Variants in DAAM2 observed in about 807,000 individuals in gnomAD.
DAAM2 encodes disheveled-associated activator of morphogenesis 2.
Under a neutral mutation model 120.7 loss-of-function variants are expected in DAAM2, and 39 were observed. The ratio of observed to expected loss-of-function variants is 0.32; its 90% CI spans 0.25 to 0.42. The LOEUF is 0.42. Among genes scored for constraint, DAAM2 ranks in the 10% least tolerant of loss-of-function variants. The probability of loss-of-function intolerance (pLI) is 1.00; values close to 1 mark genes in which losing one functional copy is unlikely to be tolerated. For missense variants in DAAM2, 1,283 were observed against 1,401.7 expected, an observed-to-expected ratio of 0.92 and a Z score of 1.35; for synonymous variants, 488 against 524.9, an observed-to-expected ratio of 0.93 and a Z score of 0.96.
intron 17 of DAAM2, among the ~76,000 whole-genome samples, chr6:39,890,404 T>C (rs181490401): frequency 1.3e-5 from 2 of 152,306 alleles, no homozygotes; most frequent in Admixed American, 6.5e-5. Context: ...GGAAAGTGAA[T>C]AAGTAGACTG....
intron 1 of DAAM2, among the ~76,000 whole-genome samples, chr6:39,843,639 G>T (rs1763441360): frequency 1.3e-5 from 2 of 152,228 alleles, no homozygotes; most frequent in Admixed American, 6.5e-5. Flanking sequence ...CAATAGCAGA[G>T]CTTTAAACCA....
intron 17 of DAAM2, among the ~76,000 whole-genome samples, chr6:39,889,363 C>A (rs2149353158): frequency 6.6e-6 from 1 of 152,188 alleles, no homozygotes; most frequent in East Asian, 1.9e-4. Flanking sequence ...CAGTCAACCA[C>A]AATAAGGGGG....
chr6:39,817,795 A>C (rs184863866), intron 1 of DAAM2, among the ~76,000 whole-genome samples: 1 of 152,276 alleles, frequency 6.6e-6, no homozygotes, highest in East Asian at 1.9e-4. Context: ...GAAGGCCTCC[A>C]ACTGATCAAA....
chr6:39,821,423 C>T (rs1455072858), intron 1 of DAAM2: 3 of 152,270 alleles, frequency 2.0e-5, no homozygotes, highest in African/African-American at 4.8e-5. Flanking sequence ...TTCTTGAGGA[C>T]TGAGCTCAGG....
At position 39,879,339 on chromosome 6, in the gene DAAM2, A is replaced by G; in HGVS notation, c.1707A>G (p.Pro569=). Reference sequence around the variant, plus strand: ...CTCCCGGGGGACCCCCGACTCCCCCAGGTGCCCCACCTTGCCTCGGCATGG... The same window carrying G: ...CTCCCGGGGGACCCCCGACTCCCCCGGGTGCCCCACCTTGCCTCGGCATGG... ...PLPPGGPPTP[P]GAPPCLGMGL... The change falls in exon 14 of 25, where the codon CCA becomes CCG. Residue 569 remains proline, a synonymous_variant. Transcript: ENST00000274867. 1 of 960,090 alleles carries G rather than the reference A, an allele frequency of 1.0e-6. No individual in the cohort carries two copies. The highest frequency in any genetic ancestry group is 1.3e-6 in the Non-Finnish European group (1 of 794,150). 59.5% of individuals were successfully genotyped at this position (960,090 alleles called of 1,614,324 possible). A position where few individuals can be genotyped will look rare whatever the true frequency, so the allele number is the denominator to read the frequency against.
At chr6:39,870,301 A>G (rs1394700150) in intron 7 of DAAM2, 39 bp from the exon 8 acceptor site, 1 of 1,308,676 alleles carries the variant, frequency 7.6e-7, no homozygotes, top group Non-Finnish European at 1.1e-6. Context: ...GGAAACTGAG[A>G]TCTGCCAATG....
chr6:39,864,323 TG>T, intron 3 of DAAM2, 109 bp from the exon 4 acceptor site: 1 of 777,678 alleles, frequency 1.3e-6, no homozygotes, highest in Non-Finnish European at 2.1e-6. Flanking sequence ...CCACCCGACA[TG>T]GGCAGAGCTG....
chr6:39,877,370 T>C (rs1764916602), intron 11 of DAAM2, among the ~76,000 whole-genome samples: 1 of 152,052 alleles, frequency 6.6e-6, no homozygotes, highest in African/African-American at 2.4e-5. Flanking sequence ...CCCTCCCAAC[T>C]TCAGGGAACA....
chr6:39,829,688 T>C (rs1762806744), intron 1 of DAAM2, among the ~76,000 whole-genome samples: 1 of 152,166 alleles, frequency 6.6e-6, no homozygotes, highest in Admixed American at 6.5e-5. Flanking sequence ...ACTCAGACAT[T>C]TCTACTCAGT....
In DAAM2 at chr6:39,873,345, G is replaced by GT. The variant is rs1764740796; in HGVS notation, c.1152_1153insT (p.Gln385SerfsTer29). 2 of 1,609,808 alleles carry GT rather than the reference G, an allele frequency of 1.2e-6. No homozygotes were observed. The highest frequency in any genetic ancestry group is 2.7e-5 in the African/African-American group (2 of 74,856). ...TGCTCTCTGTGCTGCACCACTGCCT[G>GT]CAGATGCCCTGTAAGTACCCTGCAC... is the stretch of plus-strand genomic sequence containing the variant. On this transcript the variant is annotated frameshift_variant, in exon 10 of 25. Transcript: ENST00000274867. LOFTEE classifies it high-confidence loss of function.
chr6:39,866,658 A>G (rs952077327), intron 5 of DAAM2, among the ~76,000 whole-genome samples: 1 of 152,270 alleles, frequency 6.6e-6, no homozygotes, highest in African/African-American at 2.4e-5. Flanking sequence ...CAAATAATAA[A>G]AATGAGATAG....
intron 10 of DAAM2, 58 bp from the exon 11 acceptor site, chr6:39,875,272 G>T: frequency 6.3e-7 from 1 of 1,575,022 alleles, no homozygotes. Flanking sequence ...CAACTCTAGG[G>T]TGGGGCCCAA....
Position 39,856,385 on chromosome 6 carries a change from G to C in DAAM2, c.83G>C (p.Arg28Pro), listed in dbSNP as rs200592505. 9 of 1,552,146 alleles carry C rather than the reference G, an allele frequency of 5.8e-6. No individual in the cohort carries two copies. The highest frequency in any genetic ancestry group is 7.8e-6 in the Non-Finnish European group (9 of 1,148,838). ...AGTGACATCCCCGAAATCAACCTCC[G>C]GGACAACCACCCTCTGCAGTTCATG... ...GGSDIPEINLRDNHPLQFMEF... is the reference protein window; with the variant it reads ...GGSDIPEINLPDNHPLQFMEF... Residue 28 changes from arginine to proline, a missense_variant, in exon 2 of 25, where the codon CGG becomes CCG. By Grantham distance (103) the Arg-to-Pro change is moderately radical. This residue lies in a region of DAAM2 where 197 missense variants were observed against 189.3 expected (regional missense o/e 1.04). Coordinates refer to ENST00000274867, the MANE Select transcript of DAAM2 (RefSeq NM_001201427.2).
chr6:39,879,075 G>A, intron 13 of DAAM2, 103 bp from the exon 14 acceptor site: 1 of 747,472 alleles, frequency 1.3e-6, no homozygotes. Flanking sequence ...AGGATTTGGG[G>A]CCTAGTATAG....
Position 39,904,412 on chromosome 6 carries a change from T to A in DAAM2, c.*2375T>A. 1 of 455,556 alleles carries A rather than the reference T, an allele frequency of 2.2e-6. No individual in the cohort carries two copies. Among genetic ancestry groups the A allele is most frequent in the Non-Finnish European group, 4.4e-6 (1 of 226,978 alleles). The allele number at this position is 455,556 out of a possible 1,614,324, so 28.2% of individuals were successfully genotyped here. ...GGGGCTGGTGCCCAGTCGGGGTGGC[T>A]GAGCTGGTCCTTAATAGGTTGTTTC... On this transcript the variant is annotated 3_prime_UTR_variant, in exon 25 of 25. Transcript: ENST00000274867.
intron 1 of DAAM2, among the ~76,000 whole-genome samples, chr6:39,847,502 C>G (rs967431809): frequency 1.3e-5 from 2 of 152,130 alleles, no homozygotes; most frequent in Non-Finnish European, 2.9e-5. Flanking sequence ...CCCAGACTTA[C>G]GGCGCTAATG....
Position 39,896,958 on chromosome 6 carries a change from G to C in DAAM2, c.2488G>C (p.Asp830His), listed in dbSNP as rs1326283852. ...FRVASLNKIA[D>H]TKSSIDRNIS... is the part of the protein sequence containing the mutation. ...GGTGGCCAGCCTCAACAAGATCGCT[G>C]ACACCAAGTCCAGCATCGACAGGTG... is the stretch of plus-strand genomic sequence containing the variant. Residue 830 changes from aspartate (D) to histidine (H), a missense_variant, in exon 20 of 25, where the codon GAC (aspartate) becomes CAC (histidine). By Grantham distance (81) the Asp-to-His change is moderately conservative (BLOSUM62 -1). Transcript: ENST00000274867. The C allele has an allele frequency of 6.2e-7, 1 of 1,611,270 alleles. No homozygotes were observed.
At chr6:39,847,895 C>T (rs1160191482) in intron 1 of DAAM2, among the ~76,000 whole-genome samples, 1 of 152,212 alleles carries the variant, frequency 6.6e-6, no homozygotes, top group Non-Finnish European at 1.5e-5. Context: ...GCCACACACT[C>T]TCCAATGGCT....
Position 39,817,422 on chromosome 6 carries a change from G to A in DAAM2, c.-57+24957G>A, listed in dbSNP as rs141002149. On this transcript the variant is annotated intron_variant, in intron 1 of 24. Transcript: ENST00000274867. ...TCTGTCGGTAGTGGATCAACAGAGG[G>A]TCTCTGCTTGTTTTAGTCCCTCAGG... Among the ~76,000 whole-genome samples the A allele has an allele frequency of 3.1e-3, 468 of 152,266 alleles. 2 individuals carry two copies. Among genetic ancestry groups the A allele is most frequent in the African/African-American group, 9.9e-3 (411 of 41,562 alleles).
Sources: allele counts gnomAD v4.1 joint callset (sites outside exome capture counted in the v4.1 genomes callset), GRCh38; gene constraint gnomAD v4.1.1; regional missense constraint gnomAD v4.1.1; transcripts MANE v1.5; gene names NCBI Gene and HGNC (gene_info 2026-07-23, HGNC 2026-07-21).